PDHA2: variants seen among roughly 807,000 people sequenced by gnomAD.
PDHA2 encodes pyruvate dehydrogenase E1 subunit alpha 2.
For missense variants in PDHA2, 533 were observed against 495.8 expected (o/e 1.07, Z -0.71); for synonymous variants, 188 against 185.9 (o/e 1.01, Z -0.09).
Position 95,841,231 on chromosome 4 carries a change from G to T in PDHA2, c.1081G>T (p.Glu361Ter), listed in dbSNP as rs200965273. ...ATTDPEPHLEELGHHIYSSDS... is the reference protein window; with the variant it reads ...ATTDPEPHLE Reference sequence around the variant, plus strand: ...CACTGATCCTGAGCCACATTTGGAAGAATTAGGCCATCACATCTACAGCAG... The same window carrying T: ...CACTGATCCTGAGCCACATTTGGAATAATTAGGCCATCACATCTACAGCAG... Residue 361 changes from glutamate (E) to a stop codon, truncating the protein, a stop_gained, in exon 1 of 1, where the codon GAA becomes TAA. Coordinates refer to ENST00000295266, the MANE Select transcript of PDHA2 (RefSeq NM_005390.5). LOFTEE classifies it low-confidence loss of function (END_TRUNC). 2 of 1,614,160 alleles carry T rather than the reference G, an allele frequency of 1.2e-6. No individual in the cohort carries two copies. The highest frequency in any genetic ancestry group is 2.7e-5 in the African/African-American group (2 of 75,050).
chr4:95,840,735 C>A lies in PDHA2; in HGVS notation c.585C>A (p.Gly195=). Residue 195 remains glycine, a synonymous_variant, in exon 1 of 1, where the codon GGC becomes GGA. Transcript: ENST00000295266. Reference sequence around the variant, plus strand: ...TCTGTTTGACTTTATATGGGGATGGCGCTGCGAATCAGGGGCAGATAGCCG... The same window carrying A: ...TCTGTTTGACTTTATATGGGGATGGAGCTGCGAATCAGGGGCAGATAGCCG... ...DEICLTLYGD[G]AANQGQIAEA... The A allele has an allele frequency of 1.2e-6, 2 of 1,614,082 alleles. No homozygotes were observed. The highest frequency in any genetic ancestry group is 1.7e-6 in the Non-Finnish European group (2 of 1,179,980).
At position 95,840,745 on chromosome 4, in the gene PDHA2, C is replaced by T. The variant is rs1723492310; in HGVS notation, c.595C>T (p.Gln199Ter). Residue 199 changes from glutamine (Q) to a stop codon, truncating the protein, a stop_gained, in exon 1 of 1, where the codon CAG becomes TAG. Coordinates refer to ENST00000295266, the MANE Select transcript of PDHA2 (RefSeq NM_005390.5). LOFTEE classifies it low-confidence loss of function (END_TRUNC). ...TTTATATGGGGATGGCGCTGCGAAT[C>T]AGGGGCAGATAGCCGAAGCTTTCAA... ...LTLYGDGAAN[Q>*]GQIAEAFNMA... 1 of 1,614,184 alleles carries T rather than the reference C, an allele frequency of 6.2e-7. No homozygotes were observed. The highest frequency in any genetic ancestry group is 1.1e-5 in the South Asian group (1 of 91,084).
At position 95,840,940 on chromosome 4, in the gene PDHA2, AC is replaced by A. The variant is rs1560568703; in HGVS notation, c.791del (p.Thr264LysfsTer16). 6.2e-7 allele frequency: 1 copy of A among 1,614,134 alleles called. No individual in the cohort carries two copies. On this transcript the variant is annotated frameshift_variant, in exon 1 of 1. Coordinates refer to ENST00000295266, the MANE Select transcript of PDHA2 (RefSeq NM_005390.5). LOFTEE classifies it low-confidence loss of function (END_TRUNC). ...GMDVLCVREA[T>X]KFAANYCRSG... ...GGATGTTCTGTGTGTTCGTGAGGCA[AC>A]AAAATTTGCAGCTAACTACTGTAGA...
rs780816530 is a variant in PDHA2, at chr4:95,840,122, G to C, written c.-29G>C. On this transcript the variant is annotated 5_prime_UTR_variant, in exon 1 of 1. Coordinates refer to ENST00000295266, the MANE Select transcript of PDHA2 (RefSeq NM_005390.5). ...CTTCCGGCGGTCGTTACGGGACGCC[G>C]CTGCCATCTACAGCACTCCGTGAAG... 6.4e-7 allele frequency: 1 copy of C among 1,561,612 alleles called. No homozygotes were observed.
chr4:95,840,776 C>T lies in PDHA2; in HGVS notation c.626C>T (p.Ala209Val). 1 of 1,614,092 alleles carries T rather than the reference C, an allele frequency of 6.2e-7. No individual in the cohort carries two copies. The highest frequency in any genetic ancestry group is 8.5e-7 in the Non-Finnish European group (1 of 1,180,016). The change falls in exon 1 of 1, where the codon GCA becomes GTA. Residue 209 changes from alanine to valine, a missense_variant. By Grantham distance (64) the Ala-to-Val change is moderately conservative. Transcript: ENST00000295266. ...QGQIAEAFNM[A>V]ALWKLPCVFI... ...CAGATAGCCGAAGCTTTCAATATGG[C>T]AGCTTTATGGAAATTACCTTGTGTT...
Position 95,841,383 on chromosome 4 carries a change from CTG to C in PDHA2, c.*70_*71del, listed in dbSNP as rs540598654. On this transcript the variant is annotated 3_prime_UTR_variant, in exon 1 of 1. Coordinates refer to ENST00000295266, the MANE Select transcript of PDHA2 (RefSeq NM_005390.5). ...AATGTTCATGGTCAAATTTAAGAAA[CTG>C]TGTTCTCAACTCAAGGAGGAATAAA... 1,097 of 1,264,982 alleles carry C rather than the reference CTG, an allele frequency of 8.7e-4. 9 individuals are homozygous for C. The highest frequency in any genetic ancestry group is 5.1e-3 in the South Asian group (392 of 77,084). 78.4% of individuals were successfully genotyped at this position (1,264,982 alleles called of 1,614,324 possible).
rs1424105752 is a variant in PDHA2, at chr4:95,840,625, T to A, written c.475T>A (p.Tyr159Asn). 4 of 1,614,064 alleles carry A rather than the reference T, an allele frequency of 2.5e-6. No individual in the cohort carries two copies. Among genetic ancestry groups the A allele is most frequent in the African/African-American group, 1.3e-5 (1 of 74,930 alleles). Residue 159 changes from tyrosine to asparagine, a missense_variant, in exon 1 of 1, where the codon TAT becomes AAT. Tyr to Asn is a moderately radical substitution (Grantham distance 143). Coordinates refer to ENST00000295266, the MANE Select transcript of PDHA2 (RefSeq NM_005390.5). Reference sequence around the variant, plus strand: ...GATGCATATGTATACCAAGAACTTCTATGGGGGCAATGGCATCGTCGGTGC... The same window carrying A: ...GATGCATATGTATACCAAGAACTTCAATGGGGGCAATGGCATCGTCGGTGC... ...GSMHMYTKNF[Y>N]GGNGIVGAQG...
Position 95,840,822 on chromosome 4 carries a change from A to T in PDHA2, c.672A>T (p.Leu224=), listed in dbSNP as rs1232817136. 6.2e-7 allele frequency: 1 copy of T among 1,614,032 alleles called. No homozygotes were observed. The highest frequency in any genetic ancestry group is 1.3e-5 in the African/African-American group (1 of 74,924). The part of the protein sequence containing the change: ...LPCVFICENN[L]YGMGTSTERA... ...GTGTTTTCATCTGTGAGAATAACCT[A>T]TATGGAATGGGAACATCTACTGAGA... The change falls in exon 1 of 1, where the codon CTA becomes CTT. Residue 224 remains leucine (L), a synonymous_variant. Coordinates refer to ENST00000295266, the MANE Select transcript of PDHA2 (RefSeq NM_005390.5).
Position 95,840,137 on chromosome 4 carries a change from A to G in PDHA2, c.-14A>G, listed in dbSNP as rs762232922. The G allele has an allele frequency of 1.3e-6, 2 of 1,593,644 alleles. No individual in the cohort carries two copies. The highest frequency in any genetic ancestry group is 2.7e-5 in the African/African-American group (2 of 74,688). ...ACGGGACGCCGCTGCCATCTACAGCACTCCGTGAAGAATATGCTGGCCGCC... is the reference window on the plus strand; with the variant it reads ...ACGGGACGCCGCTGCCATCTACAGCGCTCCGTGAAGAATATGCTGGCCGCC... On this transcript the variant is annotated 5_prime_UTR_variant, in exon 1 of 1. Coordinates refer to ENST00000295266, the MANE Select transcript of PDHA2 (RefSeq NM_005390.5).
chr4:95,840,185 G>T lies in PDHA2; in HGVS notation c.35G>T (p.Arg12Leu). Residue 12 changes from arginine (R) to leucine (L), a missense_variant, in exon 1 of 1, where the codon CGA (arginine) becomes CTA (leucine). Transcript: ENST00000295266. ...LAAFISRVLR[R>L]VAQKSARRVL... ...GCCTTCATCTCCCGCGTGTTGAGGCGAGTTGCCCAGAAATCAGCTCGCAGA... is the reference window on the plus strand; with the variant it reads ...GCCTTCATCTCCCGCGTGTTGAGGCTAGTTGCCCAGAAATCAGCTCGCAGA... 6.2e-7 allele frequency: 1 copy of T among 1,613,824 alleles called. No individual in the cohort carries two copies. Among genetic ancestry groups the T allele is most frequent in the Non-Finnish European group, 8.5e-7 (1 of 1,179,886 alleles).
At position 95,840,534 on chromosome 4, in the gene PDHA2, T is replaced by A; in HGVS notation, c.384T>A (p.Ser128=). 6.2e-7 allele frequency: 1 copy of A among 1,614,186 alleles called. No homozygotes were observed. The highest frequency in any genetic ancestry group is 8.5e-7 in the Non-Finnish European group (1 of 1,180,036). ...GTGTGTGCTATACTCGGGGACTTTCTGTCCGATCCATTCTCGCAGAGCTGA... is the reference window on the plus strand; with the variant it reads ...GTGTGTGCTATACTCGGGGACTTTCAGTCCGATCCATTCTCGCAGAGCTGA... The part of the protein sequence containing the change: ...AHGVCYTRGL[S]VRSILAELTG... The change falls in exon 1 of 1, where the codon TCT becomes TCA. Residue 128 remains serine, a synonymous_variant. Transcript: ENST00000295266.
At position 95,841,144 on chromosome 4, in the gene PDHA2, G is replaced by T. The variant is rs375558920; in HGVS notation, c.994G>T (p.Glu332Ter). 1.9e-6 allele frequency: 3 copies of T among 1,614,172 alleles called. No homozygotes were observed. The highest frequency in any genetic ancestry group is 2.5e-6 in the Non-Finnish European group (3 of 1,180,006). ...MVNSKLATVE[E>*]LKEIGAEVRK... Reference sequence around the variant, plus strand: ...AAACAGCAAGCTCGCCACTGTGGAAGAATTAAAGGAAATTGGGGCTGAGGT... The same window carrying T: ...AAACAGCAAGCTCGCCACTGTGGAATAATTAAAGGAAATTGGGGCTGAGGT... The change falls in exon 1 of 1, where the codon GAA (glutamate) becomes TAA (stop). Residue 332 changes from glutamate to a stop codon, truncating the protein, a stop_gained. Coordinates refer to ENST00000295266, the MANE Select transcript of PDHA2 (RefSeq NM_005390.5). LOFTEE classifies it low-confidence loss of function (END_TRUNC).
rs761350363 is a variant in PDHA2, at chr4:95,840,820, C to CTA, written c.674_675dup (p.Gly226MetfsTer26). The CTA allele has an allele frequency of 4.3e-6, 7 of 1,614,122 alleles. No individual in the cohort carries two copies. The South Asian group carries it at 7.7e-5, about 18-fold the overall frequency. On this transcript the variant is annotated frameshift_variant, in exon 1 of 1. Transcript: ENST00000295266. LOFTEE classifies it low-confidence loss of function (END_TRUNC). ...TTGTGTTTTCATCTGTGAGAATAAC[C>CTA]TATATGGAATGGGAACATCTACTGA...
rs955666494 is a variant in PDHA2 at position 95,841,367 on chromosome 4, G to C, written c.*50G>C. 1 of 1,430,744 alleles carries C rather than the reference G, an allele frequency of 7.0e-7. No homozygotes were observed. Among genetic ancestry groups the C allele is most frequent in the Non-Finnish European group, 9.8e-7 (1 of 1,024,590 alleles). 88.6% of individuals were successfully genotyped at this position (1,430,744 alleles called of 1,614,324 possible). ...ATCAGTCTCTCAATGGAATGTTCAT[G>C]GTCAAATTTAAGAAACTGTGTTCTC... On this transcript the variant is annotated 3_prime_UTR_variant, in exon 1 of 1. Transcript: ENST00000295266.
In PDHA2 at chr4:95,840,916, G is replaced by A. The variant is rs1251260255; in HGVS notation, c.766G>A (p.Asp256Asn). ...CCCTGGGCTAAAGGTCGATGGAATG[G>A]ATGTTCTGTGTGTTCGTGAGGCAAC... ...FIPGLKVDGM[D>N]VLCVREATKF... The change falls in exon 1 of 1, where the codon GAT (aspartate) becomes AAT (asparagine). Residue 256 changes from aspartate to asparagine, a missense_variant. By Grantham distance (23) the Asp-to-Asn change is conservative. Coordinates refer to ENST00000295266, the MANE Select transcript of PDHA2 (RefSeq NM_005390.5). 3.7e-6 allele frequency: 6 copies of A among 1,613,988 alleles called. No homozygotes were observed. The highest frequency in any genetic ancestry group is 5.1e-6 in the Non-Finnish European group (6 of 1,180,024).
At position 95,840,161 on chromosome 4, in the gene PDHA2, C is replaced by A; in HGVS notation, c.11C>A (p.Ala4Asp). 6.2e-7 allele frequency: 1 copy of A among 1,609,752 alleles called. No individual in the cohort carries two copies. The highest frequency in any genetic ancestry group is 8.5e-7 in the Non-Finnish European group (1 of 1,178,030). Residue 4 changes from alanine (A) to aspartate (D), a missense_variant, in exon 1 of 1, where the codon GCC becomes GAC. By Grantham distance (126) the Ala-to-Asp change is moderately radical. Coordinates refer to ENST00000295266, the MANE Select transcript of PDHA2 (RefSeq NM_005390.5). ...CACTCCGTGAAGAATATGCTGGCCGCCTTCATCTCCCGCGTGTTGAGGCGA... is the reference window on the plus strand; with the variant it reads ...CACTCCGTGAAGAATATGCTGGCCGACTTCATCTCCCGCGTGTTGAGGCGA... The part of the protein sequence containing the change: MLA[A>D]FISRVLRRVA...
rs1723513936 is a variant in PDHA2, at chr4:95,841,279, G to A, written c.1129G>A (p.Gly377Ser). 1.9e-6 allele frequency: 3 copies of A among 1,614,048 alleles called. No homozygotes were observed. Among genetic ancestry groups the A allele is most frequent in the African/African-American group, 1.3e-5 (1 of 75,014 alleles). Reference protein sequence around the residue: ...YSSDSSFEVRGANPWIKFKSV... With the variant: ...YSSDSSFEVRSANPWIKFKSV... The stretch of plus-strand genomic sequence containing the variant: ...CAGTGATTCATCTTTTGAAGTTCGT[G>A]GTGCAAATCCATGGATCAAGTTTAA... The change falls in exon 1 of 1, where the codon GGT becomes AGT. Residue 377 changes from glycine (G) to serine (S), a missense_variant. Coordinates refer to ENST00000295266, the MANE Select transcript of PDHA2 (RefSeq NM_005390.5).
Position 95,840,982 on chromosome 4 carries a change from A to G in PDHA2, c.832A>G (p.Ile278Val). 6.2e-7 allele frequency: 1 copy of G among 1,614,106 alleles called. No individual in the cohort carries two copies. The highest frequency in any genetic ancestry group is 8.5e-7 in the Non-Finnish European group (1 of 1,180,020). ...CTACTGTAGATCTGGAAAGGGGCCC[A>G]TACTGATGGAGCTGCAAACCTACCG... ...ANYCRSGKGP[I>V]LMELQTYRYH... The change falls in exon 1 of 1, where the codon ATA becomes GTA. Residue 278 changes from isoleucine to valine, a missense_variant. Coordinates refer to ENST00000295266, the MANE Select transcript of PDHA2 (RefSeq NM_005390.5).
Position 95,840,121 on chromosome 4 carries a change from C to G in PDHA2, c.-30C>G. On this transcript the variant is annotated 5_prime_UTR_variant, in exon 1 of 1. Coordinates refer to ENST00000295266, the MANE Select transcript of PDHA2 (RefSeq NM_005390.5). The stretch of plus-strand genomic sequence containing the variant: ...CCTTCCGGCGGTCGTTACGGGACGC[C>G]GCTGCCATCTACAGCACTCCGTGAA... 6.4e-7 allele frequency: 1 copy of G among 1,559,442 alleles called. No homozygotes were observed. The highest frequency in any genetic ancestry group is 1.4e-5 in the African/African-American group (1 of 74,032).
Sources: allele counts gnomAD v4.1 joint callset, GRCh38; gene constraint gnomAD v4.1.1; transcripts MANE v1.5; gene names NCBI Gene and HGNC (gene_info 2026-07-23, HGNC 2026-07-21).